The following TOM1L2 variants were observed in gnomAD, a reference collection of about 807,000 sequenced individuals.
The protein encoded by TOM1L2 is target of myb1 like 2 membrane trafficking protein.
A neutral mutation model predicts 67.9 loss-of-function variants in TOM1L2; 31 were observed. The observed-to-expected ratio is 0.46, with a 90% CI of 0.34 to 0.62. The LOEUF (loss-of-function observed/expected upper bound fraction) is 0.62. TOM1L2 is among the 20% of genes least tolerant of loss of function. The pLI, the probability that TOM1L2 is intolerant of heterozygous loss-of-function variation, is 0.01. For synonymous variants in TOM1L2, 256 were observed against 254.0 expected, an observed-to-expected ratio of 1.01 and a Z score of -0.07; for missense variants, 606 against 663.5, an observed-to-expected ratio of 0.91 and a Z score of 0.95.
chr17:17,906,132 ATT>A (rs903080193), intron 2 of TOM1L2, among the ~76,000 whole-genome samples: 4 of 34,696 alleles, frequency 1.2e-4, no homozygotes, highest in Non-Finnish European at 1.3e-4. Context: ...TTCTCTTTTC[ATT>A]TTTTTTTTTT....
chr17:17,957,412 G>A (rs2041504656), intron 1 of TOM1L2, among the ~76,000 whole-genome samples: 1 of 152,194 alleles, frequency 6.6e-6, no homozygotes, highest in African/African-American at 2.4e-5. Context: ...TAAAAGATCA[G>A]TGGTTCCCTC....
chr17:17,907,376 T>C, intron 2 of TOM1L2, 71 bp downstream of exon 2: 3 of 1,420,822 alleles, frequency 2.1e-6, no homozygotes, highest in Non-Finnish European at 2.9e-6. Flanking sequence ...CTGCCACCCT[T>C]AGGCCCTGAC....
chr17:17,899,904 A>G (rs183891231), intron 2 of TOM1L2, among the ~76,000 whole-genome samples: 25 of 152,168 alleles, frequency 1.6e-4, no homozygotes, highest in Admixed American at 1.4e-3. Context: ...ATGCTCTGCT[A>G]ATCAGCTTAA....
At chr17:17,930,468 G>A (rs1437710495) in intron 1 of TOM1L2, among the ~76,000 whole-genome samples, 1 of 152,134 alleles carries the variant, frequency 6.6e-6, no homozygotes, top group Admixed American at 6.5e-5. Flanking sequence ...GGCCCCTCCT[G>A]ACACTTGGGG....
At chr17:17,910,059 G>T (rs768108957) in intron 1 of TOM1L2, among the ~76,000 whole-genome samples, 2 of 152,114 alleles carry the variant, frequency 1.3e-5, no homozygotes, top group Non-Finnish European at 1.5e-5. Context: ...TGGTTAAAAT[G>T]ATAAATTTAA....
chr17:17,862,947 G>A, intron 10 of TOM1L2, 99 bp from the exon 11 acceptor site: 1 of 569,394 alleles, frequency 1.8e-6, no homozygotes. Context: ...GGTGGGTTTA[G>A]GTTCCATGGG....
Position 17,882,747 on chromosome 17 carries a change from T to G in TOM1L2, c.618A>C (p.Pro206=), listed in dbSNP as rs551249288. 4 of 1,614,172 alleles carry G rather than the reference T, an allele frequency of 2.5e-6. No homozygotes were observed. In the South Asian group the frequency reaches 3.3e-5, roughly 13 times the overall value. ...TGATGGGGCCAGTCACACTCAGAGC[T>G]GGGGCCTGCGGTGCGGAGTAGGGAG... is the stretch of plus-strand genomic sequence containing the variant. ...PPAPYSAPQA[P]ALSVTGPITA... Residue 206 remains proline (P), a synonymous_variant, in exon 6 of 15, where the codon CCA becomes CCC. Transcript: ENST00000379504.
chr17:17,913,635 T>C (rs1489980992), intron 1 of TOM1L2, among the ~76,000 whole-genome samples: 1 of 152,136 alleles, frequency 6.6e-6, no homozygotes, highest in Non-Finnish European at 1.5e-5. Context: ...AAAGAAGCAT[T>C]CTTTTTGGGT....
intron 1 of TOM1L2, among the ~76,000 whole-genome samples, chr17:17,917,076 C>A (rs1245128102): frequency 3.9e-5 from 6 of 152,198 alleles, no homozygotes; most frequent in African/African-American, 1.4e-4. Flanking sequence ...AGGAGAGTCA[C>A]TTGAACTCAG....
Position 17,854,175 on chromosome 17 carries a change from A to G in TOM1L2, c.1279-3223T>C, listed in dbSNP as rs1438737167. 4.6e-5 allele frequency among the ~76,000 whole-genome samples: 7 copies of G among 152,374 alleles called. 1 individual carries two copies. Among genetic ancestry groups the G allele is most frequent in the African/African-American group, 9.6e-5 (4 of 41,594 alleles). On this transcript the variant is annotated intron_variant, in intron 12 of 14. Transcript: ENST00000379504. Reference sequence around the variant, plus strand: ...CTGGTAAATAAATGCCTTGAGTATTATAACAGGGCAAAGTTCCTTCTAATA... The same window carrying G: ...CTGGTAAATAAATGCCTTGAGTATTGTAACAGGGCAAAGTTCCTTCTAATA...
At chr17:17,922,048 T>G (rs552090204) in intron 1 of TOM1L2, among the ~76,000 whole-genome samples, 1 of 152,130 alleles carries the variant, frequency 6.6e-6, no homozygotes, top group Non-Finnish European at 1.5e-5. Context: ...CAGCTCAATT[T>G]AAAAACTTCA....
At chr17:17,850,662 A>G (rs2035916335) in intron 13 of TOM1L2, among the ~76,000 whole-genome samples, 1 of 152,154 alleles carries the variant, frequency 6.6e-6, no homozygotes, top group African/African-American at 2.4e-5. Flanking sequence ...GGCTGTGCCC[A>G]AGGCCTTGCC....
rs545947289 is a variant in TOM1L2, at chr17:17,879,154, T to C, written c.777+473A>G. Among the ~76,000 whole-genome samples, 4 of 152,296 alleles carry C rather than the reference T, an allele frequency of 2.6e-5. No individual in the cohort carries two copies. The South Asian group carries it at 8.3e-4, about 32-fold the overall frequency. ...GGACACCTTGGGGGTGAGGTGCCACTACAAGGGCTCCTGTGCACAGTCAAG... is the reference window on the plus strand; with the variant it reads ...GGACACCTTGGGGGTGAGGTGCCACCACAAGGGCTCCTGTGCACAGTCAAG... On this transcript the variant is annotated intron_variant, in intron 7 of 14. Coordinates refer to ENST00000379504, the MANE Select transcript of TOM1L2 (RefSeq NM_001082968.2).
chr17:17,971,135 C>G (rs948526595), intron 1 of TOM1L2, among the ~76,000 whole-genome samples: 11 of 152,152 alleles, frequency 7.2e-5, no homozygotes, highest in Admixed American at 2.0e-4. Context: ...GTACCATTCT[C>G]TCTACATTGC....
At position 17,926,064 on chromosome 17, in the gene TOM1L2, C is replaced by T. The variant is rs142432222; in HGVS notation, c.53-18533G>A. ...CACGCACCTGTAGTCCCAGCTACTC[C>T]ACAGGCTGAGGTGAGAGGATCACTT... is the stretch of plus-strand genomic sequence containing the variant. On this transcript the variant is annotated intron_variant, in intron 1 of 14. Transcript: ENST00000379504. Among the ~76,000 whole-genome samples the T allele has an allele frequency of 9.3e-4, 141 of 151,516 alleles. 1 individual carries two copies. Among genetic ancestry groups the T allele is most frequent in the African/African-American group, 3.3e-3 (138 of 41,274 alleles).
At chr17:17,880,072 G>C (rs1256315411) in intron 6 of TOM1L2, among the ~76,000 whole-genome samples, 1 of 152,206 alleles carries the variant, frequency 6.6e-6, no homozygotes, top group South Asian at 2.1e-4. Context: ...GGGAACTTGA[G>C]TAGAAGCTGA....
At position 17,970,040 on chromosome 17, in the gene TOM1L2, T is replaced by TTTG. The variant is rs924796669; in HGVS notation, c.52+2219_52+2221dup. Among the ~76,000 whole-genome samples, 135 of 152,080 alleles carry TTTG rather than the reference T, an allele frequency of 8.9e-4. 1 individual carries two copies. Among genetic ancestry groups the TTTG allele is most frequent in the Admixed American group, 5.2e-3 (80 of 15,250 alleles). ...TCCCTATATCTCTTATATTTGGTTT[T>TTTG]TTGTTGTTGTTGTTGTTGTTTGTTT... On this transcript the variant is annotated intron_variant, in intron 1 of 14. Transcript: ENST00000379504.
At chr17:17,926,089 TGAG>T (rs2040072718) in intron 1 of TOM1L2, among the ~76,000 whole-genome samples, 1 of 151,454 alleles carries the variant, frequency 6.6e-6, no homozygotes, top group Non-Finnish European at 1.5e-5. Flanking sequence ...GAGGATCACT[TGAG>T]CACAGGATGT....
chr17:17,945,042 A>C (rs1223200302), intron 1 of TOM1L2, among the ~76,000 whole-genome samples: 1 of 152,174 alleles, frequency 6.6e-6, no homozygotes, highest in Non-Finnish European at 1.5e-5. Flanking sequence ...GAAATGTAGG[A>C]TTTCCCATTA....
Sources: allele counts gnomAD v4.1 joint callset (sites outside exome capture counted in the v4.1 genomes callset), GRCh38; gene constraint gnomAD v4.1.1; transcripts MANE v1.5; gene names NCBI Gene and HGNC (gene_info 2026-07-23, HGNC 2026-07-21).